The following CUL2 variants were observed in gnomAD, a reference collection of about 807,000 sequenced individuals.
The protein encoded by CUL2 is cullin 2.
CUL2 carries 22 observed loss-of-function variants against 110.2 expected under a neutral mutation model. The observed-to-expected ratio is 0.20, with a 90% CI of 0.14 to 0.28. CUL2 has a LOEUF of 0.28. Ranked by LOEUF, CUL2 falls within the 10% of genes least tolerant of loss-of-function variation. The pLI, the probability that CUL2 is intolerant of heterozygous loss-of-function variation, is 1.00. For missense variants in CUL2, 631 were observed against 905.5 expected, an observed-to-expected ratio of 0.70 and a Z score of 3.89; for synonymous variants, 279 against 293.2, an observed-to-expected ratio of 0.95 and a Z score of 0.49.
intron 1 of CUL2, among the ~76,000 whole-genome samples, chr10:35,084,586 C>T (rs1167674118): frequency 1.3e-5 from 2 of 152,130 alleles, no homozygotes; most frequent in African/African-American, 2.4e-5. Flanking sequence ...TGCAATATGA[C>T]AGATACGTTA....
intron 1 of CUL2, among the ~76,000 whole-genome samples, chr10:35,107,099 C>T (rs919959398): frequency 5.9e-5 from 9 of 152,048 alleles, no homozygotes; most frequent in East Asian, 5.8e-4. Flanking sequence ...CTCAGCCTCC[C>T]GAGTAGCTGG....
Position 35,104,056 on chromosome 10 carries a change from A to C in CUL2, c.-50-2996T>G, listed in dbSNP as rs959797452. Reference sequence around the variant, plus strand: ...CTGTCTCCAACATCTGGAAAACGTTAAACATAGTCCATTAGCTGTACAAAA... The same window carrying C: ...CTGTCTCCAACATCTGGAAAACGTTCAACATAGTCCATTAGCTGTACAAAA... On this transcript the variant is annotated intron_variant, in intron 1 of 5. Coordinates refer to the CUL2 transcript ENST00000685421. Among the ~76,000 whole-genome samples the C allele has an allele frequency of 2.0e-5, 3 of 152,218 alleles. No individual in the cohort carries two copies. In the South Asian group the frequency reaches 6.2e-4, roughly 31 times the overall value.
At chr10:35,068,183 G>C (rs896398480) in intron 2 of CUL2, among the ~76,000 whole-genome samples, 3 of 151,120 alleles carry the variant, frequency 2.0e-5, no homozygotes, top group African/African-American at 7.3e-5. Flanking sequence ...CACTTCAGGA[G>C]TGCCAAGGCA....
intron 1 of CUL2, among the ~76,000 whole-genome samples, chr10:35,085,039 A>T (rs2135056738): frequency 6.6e-6 from 1 of 152,108 alleles, no homozygotes; most frequent in East Asian, 1.9e-4. Context: ...AGAGTCTCTT[A>T]AATGCCAGAG....
chr10:35,113,288 G>A (rs1360370321), intron 1 of CUL2, among the ~76,000 whole-genome samples: 1 of 150,914 alleles, frequency 6.6e-6, no homozygotes, highest in Non-Finnish European at 1.5e-5. Flanking sequence ...CTGAAGTCAG[G>A]AGTTCGTGAC....
intron 16 of CUL2, among the ~76,000 whole-genome samples, chr10:35,025,649 T>G (rs1264340994): frequency 1.3e-5 from 2 of 152,184 alleles, no homozygotes; most frequent in Non-Finnish European, 2.9e-5. Context: ...AGTTTTAGGG[T>G]ATATCTCTGG....
chr10:35,073,763 C>T (rs1398931638), intron 1 of CUL2, among the ~76,000 whole-genome samples: 2 of 152,044 alleles, frequency 1.3e-5, no homozygotes, highest in Non-Finnish European at 2.9e-5. Flanking sequence ...TGCCACCACA[C>T]CCGGCTAATT....
intron 4 of CUL2, among the ~76,000 whole-genome samples, chr10:35,055,673 T>C (rs572212582): frequency 1.3e-4 from 20 of 152,336 alleles, no homozygotes; most frequent in Admixed American, 1.2e-3. Context: ...CTAGACTCCA[T>C]GGCTTACAAC....
At chr10:35,085,710 A>C (rs2087047410) in intron 1 of CUL2, among the ~76,000 whole-genome samples, 2 of 151,820 alleles carry the variant, frequency 1.3e-5, no homozygotes, top group South Asian at 4.1e-4. Context: ...AAAAAAAAAA[A>C]AAAAAAAACT....
chr10:35,075,706 T>C (rs1564741837), intron 1 of CUL2, among the ~76,000 whole-genome samples: 1 of 149,834 alleles, frequency 6.7e-6, no homozygotes. Context: ...TTTTTAAAAA[T>C]TGCAAAATAA....
chr10:35,111,142 A>G (rs12774834), intron 1 of CUL2, among the ~76,000 whole-genome samples: 1 of 152,062 alleles, frequency 6.6e-6, no homozygotes, highest in Non-Finnish European at 1.5e-5. Context: ...TTTTGGCCTG[A>G]GCAACTTGGT....
At chr10:35,043,928 CGTG>C (rs1564717062) in intron 8 of CUL2, among the ~76,000 whole-genome samples, 1 of 151,132 alleles carries the variant, frequency 6.6e-6, no homozygotes, top group Non-Finnish European at 1.5e-5. Flanking sequence ...AGTTGCTGGG[CGTG>C]GTGGTGTGTG....
chr10:35,047,392 C>T (rs1003510758), intron 6 of CUL2, among the ~76,000 whole-genome samples: 10 of 151,210 alleles, frequency 6.6e-5, no homozygotes, highest in Admixed American at 4.0e-4. Flanking sequence ...GGGTGGATCA[C>T]GAGGTCAGGA....
At chr10:35,069,419 T>C (rs1372999842) in intron 2 of CUL2, among the ~76,000 whole-genome samples, 3 of 152,046 alleles carry the variant, frequency 2.0e-5, no homozygotes, top group East Asian at 3.9e-4. Flanking sequence ...CACATGCCTG[T>C]AGTCCCAGCT....
chr10:35,022,706 T>C (rs942895454), intron 17 of CUL2, among the ~76,000 whole-genome samples: 4 of 152,196 alleles, frequency 2.6e-5, no homozygotes, highest in African/African-American at 9.7e-5. Flanking sequence ...TGGAGATCTA[T>C]CATATAGCAT....
At chr10:35,121,739 G>T (rs1283014834) in intron 1 of CUL2, among the ~76,000 whole-genome samples, 1 of 151,804 alleles carries the variant, frequency 6.6e-6, no homozygotes, top group Non-Finnish European at 1.5e-5. Context: ...GAGCCCGGGA[G>T]GTCGAGGCTA....
intron 1 of CUL2, among the ~76,000 whole-genome samples, chr10:35,081,656 G>A (rs1401657627): frequency 6.6e-6 from 1 of 152,086 alleles, no homozygotes; most frequent in Non-Finnish European, 1.5e-5. Context: ...CACTTTGCGA[G>A]GCCAAGATGG....
chr10:35,063,236 A>G (rs2086428792), intron 2 of CUL2, among the ~76,000 whole-genome samples, 174 bp from the exon 3 acceptor site: 1 of 152,210 alleles, frequency 6.6e-6, no homozygotes, highest in Admixed American at 6.5e-5. Context: ...TGCTTACTTT[A>G]TCTAAGATTC....
Position 35,013,678 on chromosome 10 carries a change from CTT to C in CUL2, c.1989+19_1989+20del. On this transcript the variant is annotated intron_variant, in intron 19 of 20. Transcript: ENST00000374749. ...TTAAATGTTTCCCCCTCAAAAAAAA[CTT>C]GACATTAAAAGCACTTACTTGTGGT... 2 of 1,480,800 alleles carry C rather than the reference CTT, an allele frequency of 1.4e-6. No homozygotes were observed. Among genetic ancestry groups the C allele is most frequent in the African/African-American group, 2.8e-5 (2 of 71,862 alleles). 91.7% of individuals were successfully genotyped at this position (1,480,800 alleles called of 1,614,324 possible).
Sources: gnomAD v4.1 joint callset for allele counts (sites outside exome capture counted in the v4.1 genomes callset) on GRCh38, gnomAD v4.1.1 for gene constraint, MANE v1.5 for transcripts, NCBI Gene and HGNC (gene_info 2026-07-23, HGNC 2026-07-21) for gene names.